RALYL: variants seen among roughly 807,000 people sequenced by gnomAD.
RALYL encodes the protein RNA-binding Raly-like protein.
In RALYL, 29 loss-of-function variants were observed where a neutral mutation model predicts 35.1. The observed-to-expected ratio is 0.83, with a 90% confidence interval of 0.61 to 1.13. The LOEUF (loss-of-function observed/expected upper bound fraction) is 1.13, where lower values mean the gene tolerates loss of function less well. Ranked by LOEUF, RALYL falls within the 50% of genes most tolerant of loss-of-function variation. RALYL has a pLI of 0.00. For missense variants in RALYL, 359 were observed against 360.4 expected (o/e 1.00, Z 0.03); for synonymous variants, 120 against 127.6 (o/e 0.94, Z 0.40).
chr8:84,785,922 C>A (rs1480916511), intron 3 of RALYL, among the ~76,000 whole-genome samples: 1 of 152,118 alleles, frequency 6.6e-6, no homozygotes, highest in Non-Finnish European at 1.5e-5. Flanking sequence ...ACCTATCAAC[C>A]CATCACCTAG....
In RALYL at chr8:84,183,484, A is replaced by C. The variant is rs1181138898; in HGVS notation, c.-964A>C. On this transcript the variant is annotated 5_prime_UTR_variant, in exon 1 of 9. Transcript: ENST00000521268. ...TCACGTGTCAGTGCCTGAGGCAGAG[A>C]CTGCGAGAAAAAAACGCGCTTCATT... 6.6e-6 allele frequency: 1 copy of C among 152,434 alleles called. No homozygotes were observed. The highest frequency in any genetic ancestry group is 1.5e-5 in the Non-Finnish European group (1 of 68,108). The allele number at this position is 152,434 out of a possible 1,614,324, so 9.4% of individuals were successfully genotyped here.
At chr8:84,781,180 A>G (rs1818061408) in intron 3 of RALYL, among the ~76,000 whole-genome samples, 1 of 152,140 alleles carries the variant, frequency 6.6e-6, no homozygotes, top group Non-Finnish European at 1.5e-5. Context: ...GTTATTTTAT[A>G]TGTTTTTAGC....
intron 1 of RALYL, among the ~76,000 whole-genome samples, chr8:84,354,368 A>C (rs1851452219): frequency 6.6e-6 from 1 of 150,496 alleles, no homozygotes; most frequent in Admixed American, 6.6e-5. Flanking sequence ...GACAGCTCTT[A>C]GGAGTTTTTA....
chr8:84,316,502 G>C lies in RALYL; in HGVS notation c.-24+132078G>C, dbSNP rs1033812000. ...AAAATTGGAAAAGGTACTTTTCTTT[G>C]TTGTTACATGTACATTCTAGTAGGT... On this transcript the variant is annotated intron_variant, in intron 1 of 8. Transcript: ENST00000521268. Among the ~76,000 whole-genome samples, 16 of 152,140 alleles carry C rather than the reference G, an allele frequency of 1.1e-4. No individual in the cohort carries two copies. In the East Asian group the frequency reaches 2.9e-3, roughly 28 times the overall value.
At chr8:84,379,015 GTTGC>G (rs1448637916) in intron 1 of RALYL, among the ~76,000 whole-genome samples, 1 of 151,768 alleles carries the variant, frequency 6.6e-6, no homozygotes, top group Non-Finnish European at 1.5e-5. Flanking sequence ...TTTGCTTTTG[GTTGC>G]TGCCACCTGT....
chr8:84,627,819 CTCTCT>C (rs367956138), intron 2 of RALYL, among the ~76,000 whole-genome samples: 8 of 152,134 alleles, frequency 5.3e-5, no homozygotes, highest in African/African-American at 1.9e-4. Context: ...TCTGTTTCCT[CTCTCT>C]TCTTTAATGC....
At chr8:84,552,521 C>T (rs151033741) in intron 2 of RALYL, among the ~76,000 whole-genome samples, 244 of 151,212 alleles carry the variant, frequency 1.6e-3, no homozygotes, top group African/African-American at 5.8e-3. Flanking sequence ...AGCAAACCTG[C>T]CCAATTTTAC....
chr8:84,503,901 A>G (rs900943155), intron 1 of RALYL, among the ~76,000 whole-genome samples: 1 of 151,944 alleles, frequency 6.6e-6, no homozygotes, highest in African/African-American at 2.4e-5. Context: ...AAATATAGAG[A>G]AGATTATAAA....
At chr8:84,486,176 T>C (rs920344531) in intron 1 of RALYL, among the ~76,000 whole-genome samples, 6 of 151,280 alleles carry the variant, frequency 4.0e-5, no homozygotes, top group African/African-American at 1.5e-4. Flanking sequence ...CTCTCACCTA[T>C]ACAACAAGAA....
At chr8:84,308,229 GCCATGTA>G (rs1212836950) in intron 1 of RALYL, among the ~76,000 whole-genome samples, 1 of 151,980 alleles carries the variant, frequency 6.6e-6, no homozygotes, top group Non-Finnish European at 1.5e-5. Context: ...ATAAAATGTA[GCCATGTA>G]GCAGATAAAA....
At chr8:84,309,159 C>T (rs1312887858) in intron 1 of RALYL, among the ~76,000 whole-genome samples, 4 of 151,148 alleles carry the variant, frequency 2.6e-5, no homozygotes, top group Admixed American at 2.0e-4. Context: ...TTTAATTTGC[C>T]TGTCTTAGAC....
intron 1 of RALYL, among the ~76,000 whole-genome samples, chr8:84,290,794 T>C (rs1386125078): frequency 2.0e-5 from 3 of 152,164 alleles, no homozygotes; most frequent in African/African-American, 7.2e-5. Flanking sequence ...CCCCTATCTT[T>C]ATATGTTCAT....
intron 2 of RALYL, among the ~76,000 whole-genome samples, chr8:84,711,966 G>A (rs924852499): frequency 6.6e-6 from 1 of 151,816 alleles, no homozygotes; most frequent in Non-Finnish European, 1.5e-5. Flanking sequence ...GTTACCTAAC[G>A]AGTTGAAAAT....
intron 1 of RALYL, among the ~76,000 whole-genome samples, chr8:84,492,539 T>C (rs957985164): frequency 7.4e-4 from 113 of 152,234 alleles, no homozygotes; most frequent in African/African-American, 2.7e-3. Context: ...CTGCTGCTTT[T>C]TTATATGTGT....
At chr8:84,689,239 G>A (rs553042384) in intron 2 of RALYL, among the ~76,000 whole-genome samples, 3 of 151,904 alleles carry the variant, frequency 2.0e-5, no homozygotes, top group South Asian at 2.1e-4. Flanking sequence ...ACCCCCGACC[G>A]CACAACAGTC....
intron 1 of RALYL, among the ~76,000 whole-genome samples, chr8:84,521,600 C>G (rs183068244): frequency 1.4e-4 from 21 of 152,236 alleles, no homozygotes; most frequent in African/African-American, 5.1e-4. Flanking sequence ...ATTAAATGTT[C>G]CCCAAGAGAT....
intron 2 of RALYL, among the ~76,000 whole-genome samples, chr8:84,659,978 A>G (rs957357837): frequency 6.6e-6 from 1 of 152,180 alleles, no homozygotes; most frequent in Non-Finnish European, 1.5e-5. Context: ...GTTTAAGTAT[A>G]TTATTCTGAT....
chr8:84,403,974 T>C (rs575515158), intron 1 of RALYL, among the ~76,000 whole-genome samples: 18 of 152,234 alleles, frequency 1.2e-4, no homozygotes, highest in Non-Finnish European at 2.1e-4. Flanking sequence ...TATTTGGCTC[T>C]CTGTCTATTA....
chr8:84,701,498 A>G (rs1589094857), intron 2 of RALYL, among the ~76,000 whole-genome samples: 1 of 152,212 alleles, frequency 6.6e-6, no homozygotes. Flanking sequence ...CAAAATACTT[A>G]GAAGGTTTAT....
Sources: allele counts gnomAD v4.1 joint callset (sites outside exome capture counted in the v4.1 genomes callset), GRCh38; gene constraint gnomAD v4.1.1; transcripts MANE v1.5; gene names NCBI Gene and HGNC (gene_info 2026-07-23, HGNC 2026-07-21).